DOCK5: variants seen among roughly 807,000 people sequenced by gnomAD.
The protein encoded by DOCK5 is dedicator of cytokinesis protein 5.
Under a neutral mutation model 251.8 loss-of-function variants are expected in DOCK5, and 142 were observed. The observed-to-expected ratio is 0.56, with a 90% CI of 0.49 to 0.65. The LOEUF (loss-of-function observed/expected upper bound fraction) is 0.65. Among genes scored for constraint, DOCK5 ranks in the 30% least tolerant of loss-of-function variants. The probability of loss-of-function intolerance (pLI) is 0.00; values close to 1 mark genes in which losing one functional copy is unlikely to be tolerated. For missense variants in DOCK5, 2,111 were observed against 2,312.3 expected (o/e 0.91, Z 1.79); for synonymous variants, 842 against 835.5 (o/e 1.01, Z -0.13).
At chr8:25,251,235 C>T (rs147198589) in intron 2 of DOCK5, among the ~76,000 whole-genome samples, 6 of 152,300 alleles carry the variant, frequency 3.9e-5, no homozygotes, top group Non-Finnish European at 7.4e-5. Context: ...AAATACAACA[C>T]AATTGACCGC....
rs779770587 is a variant in DOCK5, at chr8:25,213,080, T to C, written c.43+28129T>C. 1.1e-3 allele frequency among the ~76,000 whole-genome samples: 21 copies of C among 18,962 alleles called. 8 individuals carry two copies. Among genetic ancestry groups the C allele is most frequent in the Non-Finnish European group, 7.9e-3 (19 of 2,404 alleles). The allele number at this position is 18,962 out of a possible 152,430, so 12.4% of individuals were successfully genotyped here. A position where few individuals can be genotyped will look rare whatever the true frequency, so the allele number is the denominator to read the frequency against. The stretch of plus-strand genomic sequence containing the variant: ...GTTGGAAAAGCCCCCGTGACTGGGC[T>C]CTCGGTAGAGTGGCAGGGCGTGTGT... On this transcript the variant is annotated intron_variant, in intron 1 of 51. Transcript: ENST00000276440.
Position 25,377,436 on chromosome 8 carries a change from A to G in DOCK5, c.3936+12A>G. On this transcript the variant is annotated intron_variant, in intron 38 of 51. Transcript: ENST00000276440. Reference sequence around the variant, plus strand: ...TCGACAAAGGCAAAGTGAGTATTGGATTGTTTTTGTACTAGGGGAAAGAGG... The same window carrying G: ...TCGACAAAGGCAAAGTGAGTATTGGGTTGTTTTTGTACTAGGGGAAAGAGG... The G allele has an allele frequency of 3.1e-6, 5 of 1,611,932 alleles. No individual in the cohort carries two copies. Among genetic ancestry groups the G allele is most frequent in the Non-Finnish European group, 4.2e-6 (5 of 1,178,940 alleles).
intron 2 of DOCK5, among the ~76,000 whole-genome samples, chr8:25,268,462 GA>G: frequency 1.3e-5 from 2 of 152,146 alleles, no homozygotes; most frequent in Middle Eastern, 3.4e-3. Context: ...GTGACATGTA[GA>G]AAGCATGTAT....
At chr8:25,317,626 T>C (rs1289148689) in intron 14 of DOCK5, among the ~76,000 whole-genome samples, 1 of 152,218 alleles carries the variant, frequency 6.6e-6, no homozygotes, top group African/African-American at 2.4e-5. Flanking sequence ...TGTTTGTTTT[T>C]TTGAGACGGA....
chr8:25,218,804 A>G (rs537895708), intron 1 of DOCK5, among the ~76,000 whole-genome samples: 1 of 152,278 alleles, frequency 6.6e-6, no homozygotes, highest in African/African-American at 2.4e-5. Context: ...CAGGAAGACA[A>G]GTTTCCAGGA....
At chr8:25,344,116 T>C (rs565774785) in intron 25 of DOCK5, among the ~76,000 whole-genome samples, 2 of 152,132 alleles carry the variant, frequency 1.3e-5, no homozygotes, top group Non-Finnish European at 2.9e-5. Context: ...CCAAGCTGTT[T>C]TCTTTAGGGG....
At chr8:25,358,135 C>G (rs1266066990) in intron 27 of DOCK5, among the ~76,000 whole-genome samples, 1 of 152,062 alleles carries the variant, frequency 6.6e-6, no homozygotes, top group Non-Finnish European at 1.5e-5. Flanking sequence ...TAAAGACATA[C>G]CTGAGACTGG....
At chr8:25,243,814 T>G in intron 2 of DOCK5, 57 bp downstream of exon 2, 1 of 1,543,228 alleles carries the variant, frequency 6.5e-7, no homozygotes, top group Non-Finnish European at 8.9e-7. Flanking sequence ...TGTAAGTTAC[T>G]TATTAAAAAG....
chr8:25,323,952 G>T lies in DOCK5; in HGVS notation c.1719+1G>T. ...GAGGCACGATCTGGTGGTTTATAAGGTGGTGCTAACAGAAAATGGCTGAGA... is the reference window on the plus strand; with the variant it reads ...GAGGCACGATCTGGTGGTTTATAAGTTGGTGCTAACAGAAAATGGCTGAGA... On this transcript the variant is annotated splice_donor_variant, in intron 17 of 51. Transcript: ENST00000276440. LOFTEE classifies it high-confidence loss of function. 2 of 1,607,398 alleles carry T rather than the reference G, an allele frequency of 1.2e-6. No individual in the cohort carries two copies. Among genetic ancestry groups the T allele is most frequent in the Non-Finnish European group, 1.7e-6 (2 of 1,176,974 alleles).
chr8:25,342,309 G>T (rs1805972971), intron 24 of DOCK5, 92 bp from the exon 25 acceptor site: 6 of 941,540 alleles, frequency 6.4e-6, no homozygotes, highest in Non-Finnish European at 9.7e-6. Context: ...ATCTCTCCAT[G>T]CCCAAATCTC....
At chr8:25,227,873 TTTGTTG>T (rs370901349) in intron 1 of DOCK5, among the ~76,000 whole-genome samples, 6 of 152,128 alleles carry the variant, frequency 3.9e-5, no homozygotes, top group Non-Finnish European at 7.4e-5. Context: ...TTTCTGTGCT[TTTGTTG>T]TTGTTGTTGT....
At chr8:25,365,613 T>C (rs1272713623) in intron 30 of DOCK5, among the ~76,000 whole-genome samples, 2 of 152,206 alleles carry the variant, frequency 1.3e-5, no homozygotes, top group Non-Finnish European at 2.9e-5. Flanking sequence ...TTACACCCTA[T>C]GTAAATGAAG....
chr8:25,366,818 T>C, intron 30 of DOCK5, 52 bp from the exon 31 acceptor site: 1 of 1,423,274 alleles, frequency 7.0e-7, no homozygotes, highest in Non-Finnish European at 9.9e-7. Context: ...ATTATGGCCC[T>C]TATTAATGTT....
Position 25,243,754 on chromosome 8 carries a change from G to T in DOCK5, c.124G>T (p.Glu42Ter). 1.9e-6 allele frequency: 3 copies of T among 1,613,502 alleles called. No homozygotes were observed. Among genetic ancestry groups the T allele is most frequent in the Non-Finnish European group, 2.5e-6 (3 of 1,179,606 alleles). The stretch of plus-strand genomic sequence containing the variant: ...CACAGTTCACATCCTGGAGATGTAC[G>T]AGGGTAAGTCTGGCTGGCCTTCTGC... Reference protein sequence around the residue: ...GDTVHILEMYEGWYRGYTLQN... With the variant: ...GDTVHILEMY The change falls in exon 2 of 52, where the codon GAG becomes TAG. Residue 42 changes from glutamate to a stop codon, truncating the protein, a stop_gained. Transcript: ENST00000276440. LOFTEE classifies it high-confidence loss of function.
intron 47 of DOCK5, 35 bp downstream of exon 47, chr8:25,401,101 C>T: frequency 6.2e-7 from 1 of 1,609,328 alleles, no homozygotes; most frequent in Non-Finnish European, 8.5e-7. Flanking sequence ...ACACCTTTTT[C>T]TAGGCTCTGT....
intron 1 of DOCK5, among the ~76,000 whole-genome samples, chr8:25,205,255 C>T (rs1377230929): frequency 6.6e-6 from 1 of 152,002 alleles, no homozygotes; most frequent in Non-Finnish European, 1.5e-5. Context: ...CTCTCACTCT[C>T]TCTCCCTCTG....
At chr8:25,386,111 G>A (rs952599183) in intron 40 of DOCK5, among the ~76,000 whole-genome samples, 3 of 152,284 alleles carry the variant, frequency 2.0e-5, no homozygotes, top group African/African-American at 7.2e-5. Context: ...GGTTTTGCAC[G>A]TACTCAAGGG....
chr8:25,245,927 T>G (rs1167605149), intron 2 of DOCK5, among the ~76,000 whole-genome samples: 1 of 152,204 alleles, frequency 6.6e-6, no homozygotes, highest in Non-Finnish European at 1.5e-5. Context: ...CTGCTTTCTC[T>G]GTTACTGATA....
chr8:25,300,106 A>G (rs980010199), intron 8 of DOCK5, among the ~76,000 whole-genome samples: 3 of 152,028 alleles, frequency 2.0e-5, no homozygotes, highest in African/African-American at 7.2e-5. Flanking sequence ...GAGTTTTACC[A>G]TGTTGGCCAG....
Sources: gnomAD v4.1 joint callset for allele counts (sites outside exome capture counted in the v4.1 genomes callset) on GRCh38, gnomAD v4.1.1 for gene constraint, MANE v1.5 for transcripts, NCBI Gene and HGNC (gene_info 2026-07-23, HGNC 2026-07-21) for gene names.